DNAJC24: variants seen among roughly 807,000 people sequenced by gnomAD.
DNAJC24 encodes the protein DnaJ heat shock protein family (Hsp40) member C24, also known as dnaJ homolog subfamily C member 24.
Under a neutral mutation model 18.0 loss-of-function variants are expected in DNAJC24, and 17 were observed. That is an observed-to-expected ratio of 0.94 (90% CI 0.65 to 1.42). The LOEUF (loss-of-function observed/expected upper bound fraction) is 1.42, where lower values mean the gene tolerates loss of function less well. Among genes scored for constraint, DNAJC24 ranks in the 40% most tolerant of loss-of-function variants. The probability of loss-of-function intolerance (pLI) is 0.00; values close to 1 mark genes in which losing one functional copy is unlikely to be tolerated. For synonymous variants in DNAJC24, 55 were observed against 57.7 expected (o/e 0.95, Z 0.21); for missense variants, 158 against 175.6 (o/e 0.90, Z 0.57).
chr11:31,422,814 T>C (rs1224442813), intron 3 of DNAJC24, among the ~76,000 whole-genome samples: 1 of 152,096 alleles, frequency 6.6e-6, no homozygotes, highest in East Asian at 1.9e-4. Context: ...AACACATTGA[T>C]TTGTTTGTGC....
chr11:31,422,215 G>A (rs1952813018), intron 3 of DNAJC24: 1 of 180,558 alleles, frequency 5.5e-6, no homozygotes, highest in African/African-American at 2.4e-5. Context: ...TATGTAAATA[G>A]ATTTGGAAGT....
intron 2 of DNAJC24, among the ~76,000 whole-genome samples, chr11:31,409,447 C>T (rs548749428): frequency 6.6e-6 from 1 of 152,236 alleles, no homozygotes; most frequent in South Asian, 2.1e-4. Context: ...TGGTTTCTGT[C>T]GCCACAGATT....
rs1204808544 is a variant in DNAJC24, at chr11:31,373,890, CTTG to C, written c.111+3035_111+3037del. Among the ~76,000 whole-genome samples, 2 of 134,932 alleles carry C rather than the reference CTTG, an allele frequency of 1.5e-5. 1 individual carries two copies. Among genetic ancestry groups the C allele is most frequent in the Non-Finnish European group, 3.4e-5 (2 of 58,340 alleles). 88.5% of individuals were successfully genotyped at this position (134,932 alleles called of 152,430 possible). ...ATTTTAAAAAATAATTCATTTTTCA[CTTG>C]TTGATTGATAGTATATAAAATTATA... On this transcript the variant is annotated intron_variant, in intron 2 of 4. Transcript: ENST00000465995.
At chr11:31,392,626 T>G (rs1436158911) in intron 2 of DNAJC24, among the ~76,000 whole-genome samples, 16 of 151,896 alleles carry the variant, frequency 1.1e-4, no homozygotes, top group Non-Finnish European at 1.8e-4. Context: ...CTTTCAAGGG[T>G]GATTAGATCA....
In DNAJC24 at chr11:31,370,830, A is replaced by C. The variant is rs1321155545; in HGVS notation, c.82A>C (p.Lys28Gln). Residue 28 changes from lysine (K) to glutamine (Q), a missense_variant, in exon 2 of 5, where the codon AAA (lysine) becomes CAA (glutamine). Lys to Gln is a moderately conservative substitution (Grantham distance 53). Transcript: ENST00000465995. Reference protein sequence around the residue: ...ADPSANISDLKQKYQKLILMY... With the variant: ...ADPSANISDLQQKYQKLILMY... ...CCCATCTGCAAATATATCAGACCTA[A>C]AACAAAAATATCAAAAACTCATATT... 1.9e-6 allele frequency: 3 copies of C among 1,609,754 alleles called. No individual in the cohort carries two copies. The highest frequency in any genetic ancestry group is 1.7e-5 in the Admixed American group (1 of 59,462).
At position 31,430,751 on chromosome 11, in the gene DNAJC24, A is replaced by C. The variant is rs1161277459; in HGVS notation, c.*350A>C. ...GGTAACAGTATCATCATATTCCTTT[A>C]TAGTTACTAAGTTTCTGGTCTAACC... On this transcript the variant is annotated 3_prime_UTR_variant, in exon 5 of 5. Transcript: ENST00000465995. 6.5e-6 allele frequency: 1 copy of C among 153,440 alleles called. No individual in the cohort carries two copies. The highest frequency in any genetic ancestry group is 1.5e-5 in the Non-Finnish European group (1 of 68,746). The allele number at this position is 153,440 out of a possible 1,614,324, so 9.5% of individuals were successfully genotyped here.
intron 2 of DNAJC24, among the ~76,000 whole-genome samples, chr11:31,386,659 C>G (rs1952433826): frequency 6.6e-6 from 1 of 151,674 alleles, no homozygotes; most frequent in Non-Finnish European, 1.5e-5. Context: ...TCAGATGTGA[C>G]CCACCACATT....
intron 2 of DNAJC24, among the ~76,000 whole-genome samples, chr11:31,377,663 T>A (rs1952331675): frequency 6.6e-6 from 1 of 152,270 alleles, no homozygotes; most frequent in South Asian, 2.1e-4. Context: ...ATGTTATTCC[T>A]GTATTTTTTG....
At chr11:31,409,456 T>C (rs1447707858) in intron 2 of DNAJC24, among the ~76,000 whole-genome samples, 1 of 152,220 alleles carries the variant, frequency 6.6e-6, no homozygotes, top group East Asian at 1.9e-4. Flanking sequence ...TCGCCACAGA[T>C]TAAATGTACC....
intron 2 of DNAJC24, among the ~76,000 whole-genome samples, chr11:31,389,326 T>G (rs576990): frequency 0.42 from 63,559 of 151,812 alleles, 14,248 homozygotes; most frequent in African/African-American, 0.57. Flanking sequence ...CCATGCAAAT[T>G]GAAACAAACA....
chr11:31,424,405 C>A (rs538977983), intron 3 of DNAJC24, among the ~76,000 whole-genome samples: 1 of 152,266 alleles, frequency 6.6e-6, no homozygotes, highest in South Asian at 2.1e-4. Flanking sequence ...TCTCCCAATT[C>A]TAGCAAACAA....
chr11:31,394,689 G>A (rs1952528583), intron 2 of DNAJC24, among the ~76,000 whole-genome samples: 1 of 151,620 alleles, frequency 6.6e-6, no homozygotes, highest in South Asian at 2.1e-4. Context: ...ATGAAATACA[G>A]CTAAAATAAT....
chr11:31,428,927 C>G (rs1333800915), intron 4 of DNAJC24, among the ~76,000 whole-genome samples: 1 of 151,980 alleles, frequency 6.6e-6, no homozygotes, highest in Admixed American at 6.6e-5. Context: ...TGTCATTTAC[C>G]AAGAACATGT....
chr11:31,397,284 C>T (rs772466684), intron 2 of DNAJC24, among the ~76,000 whole-genome samples: 20 of 152,088 alleles, frequency 1.3e-4, no homozygotes, highest in Admixed American at 2.6e-4. Context: ...AACATTTTTA[C>T]GATGCCAGTT....
Position 31,426,273 on chromosome 11 carries a change from T to C in DNAJC24, c.251-14T>C. The stretch of plus-strand genomic sequence containing the variant: ...CATGTTTTACAATTAAGTGTCATGT[T>C]TTATGTTTTACAGAAGATGATCTAA... On this transcript the variant is annotated splice_polypyrimidine_tract_variant and intron_variant, in intron 3 of 4. Transcript: ENST00000465995. 3 of 1,488,316 alleles carry C rather than the reference T, an allele frequency of 2.0e-6. No homozygotes were observed. In the South Asian group the frequency reaches 3.7e-5, roughly 18 times the overall value. 92.2% of individuals were successfully genotyped at this position (1,488,316 alleles called of 1,614,324 possible). A position where few individuals can be genotyped will look rare whatever the true frequency, so the allele number is the denominator to read the frequency against.
At position 31,426,468 on chromosome 11, in the gene DNAJC24, C is replaced by A; in HGVS notation, c.319+113C>A. 6 of 618,092 alleles carry A rather than the reference C, an allele frequency of 9.7e-6. 1 individual carries two copies. The South Asian group carries it at 1.4e-4, about 14-fold the overall frequency. The allele number at this position is 618,092 out of a possible 1,614,324, so 38.3% of individuals were successfully genotyped here. ...TAAAAAGAAATAATAGTGTGGCTTT[C>A]TATATATATGTGGTAAGTGTTTCTG... On this transcript the variant is annotated intron_variant, in intron 4 of 4. Coordinates refer to ENST00000465995, the MANE Select transcript of DNAJC24 (RefSeq NM_181706.5).
intron 2 of DNAJC24, chr11:31,374,167 G>C (rs756004449): frequency 8.0e-6 from 3 of 375,444 alleles, no homozygotes; most frequent in South Asian, 5.9e-5. Flanking sequence ...TCCTTGCCTT[G>C]TTCCTGATTT....
chr11:31,392,709 C>CTT (rs1194936438), intron 2 of DNAJC24, among the ~76,000 whole-genome samples: 26 of 129,304 alleles, frequency 2.0e-4, no homozygotes, highest in South Asian at 2.6e-4. Context: ...TCACAATTTT[C>CTT]TTTTTTTTTT....
At chr11:31,391,538 AAATC>A (rs1952496162) in intron 2 of DNAJC24, among the ~76,000 whole-genome samples, 1 of 152,250 alleles carries the variant, frequency 6.6e-6, no homozygotes, top group African/African-American at 2.4e-5. Flanking sequence ...AGTGAAATAA[AAATC>A]AAAACTATGA....
Sources: gnomAD v4.1 joint callset for allele counts (sites outside exome capture counted in the v4.1 genomes callset) on GRCh38, gnomAD v4.1.1 for gene constraint, MANE v1.5 for transcripts, NCBI Gene and HGNC (gene_info 2026-07-23, HGNC 2026-07-21) for gene names.